Variants in NRXN3 observed in about 807,000 individuals in gnomAD.
NRXN3 encodes the protein neurexin III.
A neutral mutation model predicts 137.6 loss-of-function variants in NRXN3; 32 were observed. The observed-to-expected ratio is 0.23, with a 90% CI of 0.18 to 0.31. NRXN3 has a LOEUF of 0.31. Ranked by LOEUF, NRXN3 falls within the 10% of genes least tolerant of loss-of-function variation. NRXN3 has a pLI of 1.00. For synonymous variants in NRXN3, 798 were observed against 784.5 expected (o/e 1.02, Z -0.29); for missense variants, 1,574 against 2,062.5 (o/e 0.76, Z 4.59).
intron 15 of NRXN3, among the ~76,000 whole-genome samples, chr14:79,374,684 C>A (rs2094208745): frequency 6.6e-6 from 1 of 152,046 alleles, no homozygotes; most frequent in African/African-American, 2.4e-5. Context: ...TAAAGTATCT[C>A]TAAAACTCAC....
At chr14:78,303,032 C>T (rs991910170) in intron 4 of NRXN3, among the ~76,000 whole-genome samples, 2 of 152,144 alleles carry the variant, frequency 1.3e-5, no homozygotes, top group Non-Finnish European at 2.9e-5. Context: ...AGCTATCTCC[C>T]TTTCAAAGCC....
intron 15 of NRXN3, among the ~76,000 whole-genome samples, chr14:79,019,851 A>G (rs2099585745): frequency 6.6e-6 from 1 of 152,252 alleles, no homozygotes; most frequent in East Asian, 1.9e-4. Context: ...TAATCCAATG[A>G]GGGAAACCAA....
intron 10 of NRXN3, among the ~76,000 whole-genome samples, chr14:78,897,132 G>C (rs955724255): frequency 1.3e-5 from 2 of 151,844 alleles, no homozygotes; most frequent in Non-Finnish European, 2.9e-5. Context: ...TTTGATATAT[G>C]ACTTTTTACA....
chr14:78,230,024 T>C (rs1174308764), intron 1 of NRXN3, among the ~76,000 whole-genome samples: 1 of 152,114 alleles, frequency 6.6e-6, no homozygotes, highest in African/African-American at 2.4e-5. Flanking sequence ...TTTATTTTTA[T>C]TTATTTTGTA....
chr14:78,430,492 G>A (rs1445595121), intron 4 of NRXN3, among the ~76,000 whole-genome samples: 1 of 152,208 alleles, frequency 6.6e-6, no homozygotes, highest in Non-Finnish European at 1.5e-5. Flanking sequence ...CAGACTTGCA[G>A]GGACAAAGCC....
intron 16 of NRXN3, among the ~76,000 whole-genome samples, chr14:79,578,469 G>A (rs1430155462): frequency 2.0e-5 from 3 of 151,992 alleles, no homozygotes; most frequent in Non-Finnish European, 2.9e-5. Flanking sequence ...GAGACCATGC[G>A]CCCCAAGTCC....
intron 6 of NRXN3, among the ~76,000 whole-genome samples, chr14:78,681,025 G>C (rs1203871044): frequency 6.6e-6 from 1 of 152,202 alleles, no homozygotes; most frequent in African/African-American, 2.4e-5. Context: ...CACTAAAACA[G>C]CTTCATTTGG....
At chr14:78,868,590 T>C (rs1009904085) in intron 10 of NRXN3, among the ~76,000 whole-genome samples, 2 of 151,930 alleles carry the variant, frequency 1.3e-5, no homozygotes, top group Middle Eastern at 3.4e-3. Context: ...GAGGCCGAGG[T>C]GGGTGGATCA....
intron 15 of NRXN3, among the ~76,000 whole-genome samples, chr14:79,327,964 A>C (rs984812855): frequency 1.3e-5 from 2 of 152,038 alleles, no homozygotes; most frequent in African/African-American, 4.8e-5. Context: ...TCCCTTATTC[A>C]TGGTTGCTTT....
chr14:78,472,167 T>G (rs1346418362), intron 4 of NRXN3, among the ~76,000 whole-genome samples: 1 of 152,174 alleles, frequency 6.6e-6, no homozygotes, highest in African/African-American at 2.4e-5. Flanking sequence ...CCCTCAGTGT[T>G]GGAAACTCCC....
chr14:79,385,204 T>TCCCCCCCCCCCCCC (rs557799323), intron 15 of NRXN3, among the ~76,000 whole-genome samples: 3 of 90,502 alleles, frequency 3.3e-5, no homozygotes, highest in Non-Finnish European at 4.8e-5. Context: ...ATGCTATCCT[T>TCCCCCCCCCCCCCC]CCCCCCGCCC....
intron 16 of NRXN3, among the ~76,000 whole-genome samples, chr14:79,571,384 T>C (rs2097599660): frequency 6.6e-6 from 1 of 152,132 alleles, no homozygotes; most frequent in East Asian, 1.9e-4. Context: ...CCCATTTAAA[T>C]GCAAAGGACA....
intron 19 of NRXN3, among the ~76,000 whole-genome samples, chr14:79,796,786 A>C (rs920864113): frequency 6.6e-6 from 1 of 152,188 alleles, no homozygotes; most frequent in African/African-American, 2.4e-5. Flanking sequence ...TATGCTGGCT[A>C]TTGAGGATGG....
At chr14:79,023,302 T>A (rs1404224415) in intron 15 of NRXN3, among the ~76,000 whole-genome samples, 4 of 151,996 alleles carry the variant, frequency 2.6e-5, no homozygotes, top group Non-Finnish European at 4.4e-5. Flanking sequence ...GTACTGGGGA[T>A]ACAGAGATGA....
intron 4 of NRXN3, among the ~76,000 whole-genome samples, chr14:78,630,971 T>G (rs1407715497): frequency 2.6e-5 from 4 of 152,222 alleles, no homozygotes; most frequent in Non-Finnish European, 4.4e-5. Context: ...GATCAATAGT[T>G]GAAATCTAAG....
At chr14:79,747,043 G>T (rs977067047) in intron 19 of NRXN3, among the ~76,000 whole-genome samples, 7 of 152,046 alleles carry the variant, frequency 4.6e-5, no homozygotes, top group Non-Finnish European at 2.9e-5. Flanking sequence ...AGGGCATTTG[G>T]CTCTCAGCAG....
At chr14:79,737,981 C>A (rs2098948018) in intron 19 of NRXN3, among the ~76,000 whole-genome samples, 1 of 152,048 alleles carries the variant, frequency 6.6e-6, no homozygotes, top group African/African-American at 2.4e-5. Flanking sequence ...TGGGTTTAGA[C>A]CAACATTGAT....
intron 19 of NRXN3, among the ~76,000 whole-genome samples, chr14:79,798,106 A>G (rs1196505307): frequency 1.4e-5 from 2 of 147,298 alleles, no homozygotes; most frequent in African/African-American, 4.9e-5. Context: ...GTCTCAAGGA[A>G]AAAAAAAAAA....
intron 4 of NRXN3, among the ~76,000 whole-genome samples, chr14:78,298,546 C>T (rs1248282012): frequency 1.3e-5 from 2 of 152,240 alleles, no homozygotes; most frequent in East Asian, 3.8e-4. Context: ...AAATTCAGCT[C>T]AGCTAAGCAC....
Sources: gnomAD v4.1 joint callset for allele counts (sites outside exome capture counted in the v4.1 genomes callset) on GRCh38, gnomAD v4.1.1 for gene constraint, MANE v1.5 for transcripts, NCBI Gene and HGNC (gene_info 2026-07-23, HGNC 2026-07-21) for gene names.